The following FAM107A variants were observed in gnomAD, a reference collection of about 807,000 sequenced individuals.
FAM107A encodes the protein family with sequence similarity 107 member A.
Under a neutral mutation model 13.7 loss-of-function variants are expected in FAM107A, and 19 were observed. That is an observed-to-expected ratio of 1.38 (90% CI 0.97 to 2.03). The LOEUF (loss-of-function observed/expected upper bound fraction) is 2.03, where lower values mean the gene tolerates loss of function less well. Ranked by LOEUF, FAM107A falls within the 30% of genes most tolerant of loss-of-function variation. The probability of loss-of-function intolerance (pLI) is 0.00; values close to 1 mark genes in which losing one functional copy is unlikely to be tolerated. For synonymous variants in FAM107A, 82 were observed against 74.5 expected (o/e 1.10, Z -0.52); for missense variants, 203 against 184.4 (o/e 1.10, Z -0.58).
chr3:58,573,654 A>G (rs1350624451), intron 1 of FAM107A: 3 of 152,564 alleles, frequency 2.0e-5, no homozygotes, highest in Non-Finnish European at 2.9e-5. Context: ...GAGAAAGGTA[A>G]GTGGCTTGTT....
intron 1 of FAM107A, among the ~76,000 whole-genome samples, chr3:58,605,715 G>A (rs548682978): frequency 7.2e-5 from 11 of 152,282 alleles, no homozygotes; most frequent in South Asian, 2.1e-4. Flanking sequence ...AGTCCAACTC[G>A]TAGTGAGACA....
At chr3:58,610,252 T>A (rs1005367879) in intron 1 of FAM107A, among the ~76,000 whole-genome samples, 1 of 152,152 alleles carries the variant, frequency 6.6e-6, no homozygotes, top group African/African-American at 2.4e-5. Flanking sequence ...CTTTCATAGA[T>A]GAGGAAACTG....
exon 1 of FAM107A, chr3:58,627,450 G>A (rs965555809): frequency 5.9e-6 from 1 of 168,718 alleles, no homozygotes; most frequent in Non-Finnish European, 1.3e-5. Flanking sequence ...AGGGCCAGAC[G>A]GTGGAGGCCG....
chr3:58,596,329 C>T (rs2065707007), intron 1 of FAM107A, among the ~76,000 whole-genome samples: 7 of 152,224 alleles, frequency 4.6e-5, no homozygotes, highest in Admixed American at 4.6e-4. Flanking sequence ...TAGTCTTCCC[C>T]ATGCACCGAG....
intron 2 of FAM107A, among the ~76,000 whole-genome samples, chr3:58,568,187 C>G (rs1010604715): frequency 5.3e-5 from 8 of 152,084 alleles, no homozygotes; most frequent in African/African-American, 1.9e-4. Context: ...GTAATCCCAG[C>G]ACTTTGGGAG....
intron 1 of FAM107A, among the ~76,000 whole-genome samples, chr3:58,623,354 G>A (rs893051622): frequency 2.0e-5 from 3 of 152,194 alleles, no homozygotes; most frequent in Non-Finnish European, 4.4e-5. Flanking sequence ...GTGGTGTTGG[G>A]TTTGGAGAAA....
intron 1 of FAM107A, among the ~76,000 whole-genome samples, chr3:58,575,347 C>T (rs1217012880): frequency 1.3e-5 from 2 of 152,144 alleles, no homozygotes; most frequent in Non-Finnish European, 2.9e-5. Flanking sequence ...ATGTGCTTAG[C>T]CCAGCGCCTG....
At chr3:58,582,999 A>G (rs533533363) in intron 1 of FAM107A, among the ~76,000 whole-genome samples, 81 of 152,180 alleles carry the variant, frequency 5.3e-4, no homozygotes, top group Admixed American at 1.3e-3. Context: ...GGGTTTCACT[A>G]TGTTGGCCAG....
chr3:58,622,455 C>T (rs563717403), intron 1 of FAM107A, among the ~76,000 whole-genome samples: 36 of 152,198 alleles, frequency 2.4e-4, no homozygotes, highest in African/African-American at 8.7e-4. Flanking sequence ...CTATGCCCCC[C>T]CCAAAAGAAA....
At position 58,569,336 on chromosome 3, in the gene FAM107A, A is replaced by G. The variant is rs914683398; in HGVS notation, c.170+355T>C. ...AATGCACCCATCCTACTGCCTGGCT[A>G]TGCACCCGTCCCTGTCTGTGAGGAC... On this transcript the variant is annotated intron_variant, in intron 2 of 3. Transcript: ENST00000360997. The surrounding 1 kb of genome is among the most constrained non-coding windows in gnomAD (Gnocchi z 5.7). Among the ~76,000 whole-genome samples the G allele has an allele frequency of 6.6e-6, 1 of 152,072 alleles. No homozygotes were observed. Among genetic ancestry groups the G allele is most frequent in the Non-Finnish European group, 1.5e-5 (1 of 68,004 alleles).
At chr3:58,574,003 A>G (rs2063709807) in intron 1 of FAM107A, among the ~76,000 whole-genome samples, 1 of 152,188 alleles carries the variant, frequency 6.6e-6, no homozygotes, top group African/African-American at 2.4e-5. Context: ...GTGCTTGGCA[A>G]ATGCCTCGTA....
At chr3:58,606,451 G>A (rs977627348) in intron 1 of FAM107A, among the ~76,000 whole-genome samples, 2 of 152,216 alleles carry the variant, frequency 1.3e-5, no homozygotes, top group Non-Finnish European at 2.9e-5. Context: ...CACTTTCGCT[G>A]TCTTACTCTC....
At chr3:58,582,814 G>A (rs572706870) in intron 1 of FAM107A, among the ~76,000 whole-genome samples, 4 of 152,302 alleles carry the variant, frequency 2.6e-5, no homozygotes, top group African/African-American at 7.2e-5. Context: ...TTGTTTGTTT[G>A]TTTGAGACAG....
chr3:58,613,824 A>G lies in FAM107A; in HGVS notation c.-70+13592T>C, dbSNP rs1418149966. 1.3e-5 allele frequency among the ~76,000 whole-genome samples: 2 copies of G among 152,172 alleles called. No individual in the cohort carries two copies. Among genetic ancestry groups the G allele is most frequent in the African/African-American group, 2.4e-5 (1 of 41,450 alleles). Reference sequence around the variant, plus strand: ...TGGTGGAGACTGATGGGCAGGAGGCAGAAGGCGGAAGTCCAGCCCTTACGG... The same window carrying G: ...TGGTGGAGACTGATGGGCAGGAGGCGGAAGGCGGAAGTCCAGCCCTTACGG... On this transcript the variant is annotated intron_variant, in intron 1 of 3. Coordinates refer to the FAM107A transcript ENST00000465970. This position sits in a 1 kb window ranked among gnomAD's most constrained non-coding sequence, Gnocchi z 4.6.
Position 58,567,347 on chromosome 3 carries a change from C to G in FAM107A, c.188G>C (p.Ser63Thr). 6.2e-7 allele frequency: 1 copy of G among 1,611,180 alleles called. No individual in the cohort carries two copies. Among genetic ancestry groups the G allele is most frequent in the Non-Finnish European group, 8.5e-7 (1 of 1,179,148 alleles). Residue 63 changes from serine to threonine, a missense_variant, in exon 3 of 4, where the codon AGC (serine) becomes ACC (threonine). Transcript: ENST00000360997. ...MNHRRGLGVD[S>T]KPELQRVLEH... is the part of the protein sequence containing the mutation. Reference sequence around the variant, plus strand: ...TAGGACACGCTGCAGCTCTGGCTTGCTGTCCACACCAAGGCCCCTGGGGTG... The same window carrying G: ...TAGGACACGCTGCAGCTCTGGCTTGGTGTCCACACCAAGGCCCCTGGGGTG...
chr3:58,620,856 A>C (rs1276285772), intron 1 of FAM107A, among the ~76,000 whole-genome samples: 1 of 152,204 alleles, frequency 6.6e-6, no homozygotes, highest in African/African-American at 2.4e-5. Context: ...GAGGCCTTGG[A>C]GAGCAGGAAA....
chr3:58,580,438 CAG>C (rs2065521557), upstream of FAM107A, among the ~76,000 whole-genome samples: 2 of 114,208 alleles, frequency 1.8e-5, no homozygotes, highest in Admixed American at 1.1e-4. Context: ...TTTTTTGAGA[CAG>C]AGCATTACTC....
rs1366961517 is a variant in FAM107A, at chr3:58,577,314, A to C, written c.-11T>G. The C allele has an allele frequency of 1.0e-6, 1 of 985,058 alleles. No homozygotes were observed. Among genetic ancestry groups the C allele is most frequent in the Non-Finnish European group, 1.2e-6 (1 of 829,738 alleles). The allele number at this position is 985,058 out of a possible 1,614,324, so 61.0% of individuals were successfully genotyped here. On this transcript the variant is annotated 5_prime_UTR_variant, in exon 1 of 4. Transcript: ENST00000360997. The surrounding 1 kb of genome is among the most constrained non-coding windows in gnomAD (Gnocchi z 4.9). ...CAGAACAGAGATGGTCTTACTTCTC[A>C]GGTCGAGTCCTTGGGAAGGGAAGTC...
intron 1 of FAM107A, among the ~76,000 whole-genome samples, chr3:58,605,626 C>G (rs1375307028): frequency 3.3e-5 from 5 of 152,194 alleles, no homozygotes; most frequent in African/African-American, 1.2e-4. Context: ...AACATTGTCT[C>G]TTATTTTGCC....
Sources: allele counts gnomAD v4.1 joint callset (sites outside exome capture counted in the v4.1 genomes callset), GRCh38; gene constraint gnomAD v4.1.1; non-coding constraint Gnocchi (gnomAD v3.1); transcripts MANE v1.5; gene names NCBI Gene and HGNC (gene_info 2026-07-23, HGNC 2026-07-21).